ALMS1: variants seen among roughly 807,000 people sequenced by gnomAD.
ALMS1 encodes the protein ALMS1 centrosome and basal body associated protein.
ALMS1 carries 271 observed loss-of-function variants against 352.2 expected under a neutral mutation model. The observed-to-expected ratio is 0.77, with a 90% CI of 0.70 to 0.85. The LOEUF (loss-of-function observed/expected upper bound fraction) is 0.85. Ranked by LOEUF, ALMS1 falls within the 40% of genes least tolerant of loss-of-function variation. The probability of loss-of-function intolerance (pLI) is 0.00; values close to 1 mark genes in which losing one functional copy is unlikely to be tolerated. For missense variants in ALMS1, 5,445 were observed against 4,870.7 expected, an observed-to-expected ratio of 1.12 and a Z score of -3.51; for synonymous variants, 1,865 against 1,761.2, an observed-to-expected ratio of 1.06 and a Z score of -1.48.
chr2:73,481,089 C>G (rs1403243522), intron 9 of ALMS1, among the ~76,000 whole-genome samples: 1 of 151,974 alleles, frequency 6.6e-6, no homozygotes, highest in African/African-American at 2.4e-5. Flanking sequence ...AATTAGATCC[C>G]ATTTGTCAAT....
chr2:73,559,828 A>G (rs1246461764), intron 15 of ALMS1, among the ~76,000 whole-genome samples: 1 of 152,230 alleles, frequency 6.6e-6, no homozygotes, highest in African/African-American at 2.4e-5. Context: ...AGATATCCAC[A>G]TTTAAAAGAA....
At chr2:73,487,711 G>A (rs1385692600) in intron 9 of ALMS1, among the ~76,000 whole-genome samples, 2 of 152,200 alleles carry the variant, frequency 1.3e-5, no homozygotes, top group Non-Finnish European at 2.9e-5. Flanking sequence ...GACAACTGGA[G>A]GGTGAGCAAG....
Position 73,452,715 on chromosome 2 carries a change from C to T in ALMS1, c.6188C>T (p.Pro2063Leu). ...AATATTTTATTTCAACAGCAGTTGC[C>T]AGATAGAGATCAAAGTAAAGGTATT... ...KPNILFQQQL[P>L]DRDQSKGILK... The change falls in exon 8 of 23, where the codon CCA (proline) becomes CTA (leucine). Residue 2063 changes from proline to leucine, a missense_variant. Transcript: ENST00000613296. 1.9e-6 allele frequency: 3 copies of T among 1,613,666 alleles called. No homozygotes were observed. Among genetic ancestry groups the T allele is most frequent in the Non-Finnish European group, 2.5e-6 (3 of 1,179,978 alleles).
At chr2:73,423,911 A>G (rs1671330092) in intron 4 of ALMS1, among the ~76,000 whole-genome samples, 1 of 151,926 alleles carries the variant, frequency 6.6e-6, no homozygotes, top group Non-Finnish European at 1.5e-5. Flanking sequence ...CACAGCAGCT[A>G]GTACTACAGG....
At position 73,491,204 on chromosome 2, in the gene ALMS1, A is replaced by G. The variant is rs1469947899; in HGVS notation, c.9245A>G (p.Glu3082Gly). ...DAASKARMNS[E>G]FNFDLHTVSS... The stretch of plus-strand genomic sequence containing the variant: ...GCTTCTAAAGCGAGGATGAATAGTG[A>G]GTTTAACTTTGACTTACATACTGTA... Residue 3082 changes from glutamate to glycine, a missense_variant, in exon 10 of 23, where the codon GAG (glutamate) becomes GGG (glycine). Glu to Gly is a moderately conservative substitution (Grantham distance 98). Transcript: ENST00000613296. The G allele has an allele frequency of 6.2e-7, 1 of 1,614,182 alleles. No homozygotes were observed. Among genetic ancestry groups the G allele is most frequent in the East Asian group, 2.2e-5 (1 of 44,884 alleles).
intron 10 of ALMS1, among the ~76,000 whole-genome samples, chr2:73,493,141 A>G (rs958326286): frequency 2.6e-5 from 4 of 152,122 alleles, no homozygotes; most frequent in Non-Finnish European, 5.9e-5. Context: ...CAATAATGCC[A>G]TTTGTTCAGG....
chr2:73,439,424 T>C (rs1050184121), intron 7 of ALMS1, among the ~76,000 whole-genome samples: 2 of 152,172 alleles, frequency 1.3e-5, no homozygotes, highest in Non-Finnish European at 2.9e-5. Flanking sequence ...CCGGCCTTTT[T>C]ATCTGTCTTT....
chr2:73,537,609 T>C lies in ALMS1; in HGVS notation c.9907+2660T>C, dbSNP rs745603249. ...GGCCATATATAAAAAGAATATAGAC[T>C]TTACAGAATTAATTCAGAGAAGTTA... is the stretch of plus-strand genomic sequence containing the variant. On this transcript the variant is annotated intron_variant, in intron 12 of 22. Coordinates refer to ENST00000613296, the MANE Select transcript of ALMS1 (RefSeq NM_001378454.1). Among the ~76,000 whole-genome samples, 8 of 152,244 alleles carry C rather than the reference T, an allele frequency of 5.3e-5. No homozygotes were observed. In the East Asian group the frequency reaches 1.5e-3, roughly 29 times the overall value.
At position 73,449,925 on chromosome 2, in the gene ALMS1, A is replaced by C; in HGVS notation, c.3398A>C (p.Lys1133Thr). 1.2e-6 allele frequency: 2 copies of C among 1,613,902 alleles called. No homozygotes were observed. Among genetic ancestry groups the C allele is most frequent in the Non-Finnish European group, 1.7e-6 (2 of 1,179,924 alleles). ...GTAGCTCCTGGACTAGCAGACCAGA[A>C]GACTGGCACACCAACTGTAACCTCA... ...ISVAPGLADQKTGTPTVTSTS... is the reference protein window; with the variant it reads ...ISVAPGLADQTTGTPTVTSTS... The change falls in exon 8 of 23, where the codon AAG becomes ACG. Residue 1133 changes from lysine to threonine, a missense_variant. Transcript: ENST00000613296.
intron 21 of ALMS1, among the ~76,000 whole-genome samples, chr2:73,604,478 G>A (rs1212754228): frequency 2.6e-5 from 4 of 152,174 alleles, no homozygotes; most frequent in African/African-American, 9.7e-5. Context: ...CAGAGAATAA[G>A]GTTGACTTTT....
At position 73,461,157 on chromosome 2, in the gene ALMS1, C is replaced by A. The variant is rs180746995; in HGVS notation, c.7674+5862C>A. ...ACTGCCTCCTCAAGTGGGTCCCTGACCCCCAAGCAGCCTAACTGGGAGGCA... is the reference window on the plus strand; with the variant it reads ...ACTGCCTCCTCAAGTGGGTCCCTGAACCCCAAGCAGCCTAACTGGGAGGCA... On this transcript the variant is annotated intron_variant, in intron 9 of 22. Coordinates refer to ENST00000613296, the MANE Select transcript of ALMS1 (RefSeq NM_001378454.1). Among the ~76,000 whole-genome samples, 1,280 of 152,326 alleles carry A rather than the reference C, an allele frequency of 8.4e-3. 19 individuals are homozygous for A. The highest frequency in any genetic ancestry group is 0.029 in the African/African-American group (1,221 of 41,572).
intron 15 of ALMS1, among the ~76,000 whole-genome samples, chr2:73,561,968 A>G (rs1674672450): frequency 6.6e-6 from 1 of 152,142 alleles, no homozygotes; most frequent in African/African-American, 2.4e-5. Flanking sequence ...TTTAGGGGAT[A>G]GAACAAAATG....
At chr2:73,501,556 A>G (rs1341272718) in intron 10 of ALMS1, among the ~76,000 whole-genome samples, 3 of 152,060 alleles carry the variant, frequency 2.0e-5, no homozygotes, top group Non-Finnish European at 2.9e-5. Flanking sequence ...TTCAAAAATG[A>G]TTATTTCCTT....
intron 9 of ALMS1, among the ~76,000 whole-genome samples, chr2:73,483,035 A>C (rs1377146487): frequency 2.0e-5 from 3 of 152,180 alleles, no homozygotes; most frequent in Non-Finnish European, 4.4e-5. Flanking sequence ...TCCTGGATTC[A>C]TTAATTTTTT....
chr2:73,466,426 T>C (rs1228764805), intron 9 of ALMS1, among the ~76,000 whole-genome samples: 4 of 138,940 alleles, frequency 2.9e-5, no homozygotes, highest in Non-Finnish European at 6.0e-5. Flanking sequence ...TAGGTGGGAA[T>C]TGAACAATGA....
At chr2:73,565,522 A>C (rs999253747) in intron 15 of ALMS1, among the ~76,000 whole-genome samples, 17 of 152,172 alleles carry the variant, frequency 1.1e-4, no homozygotes, top group African/African-American at 3.9e-4. Context: ...ACCATCAGGG[A>C]GGTGGAACAT....
At position 73,490,405 on chromosome 2, in the gene ALMS1, G is replaced by T. The variant is rs1195067720; in HGVS notation, c.8446G>T (p.Asp2816Tyr). The change falls in exon 10 of 23, where the codon GAT becomes TAT. Residue 2816 changes from aspartate (D) to tyrosine (Y), a missense_variant. Physicochemically the swap from Asp to Tyr is radical, Grantham distance 160 (BLOSUM62 -3). Coordinates refer to ENST00000613296, the MANE Select transcript of ALMS1 (RefSeq NM_001378454.1). ...FQEEKPLERS[D>Y]FTGSHSEPST... ...AGAAGAAAAACCCTTAGAAAGATCA[G>T]ATTTTACAGGCAGTCATTCTGAGCC... is the stretch of plus-strand genomic sequence containing the variant. The T allele has an allele frequency of 8.7e-6, 14 of 1,614,000 alleles. No homozygotes were observed. Among genetic ancestry groups the T allele is most frequent in the Admixed American group, 1.7e-5 (1 of 60,008 alleles).
At chr2:73,503,110 T>A (rs1022455952) in intron 10 of ALMS1, among the ~76,000 whole-genome samples, 4 of 152,156 alleles carry the variant, frequency 2.6e-5, no homozygotes, top group African/African-American at 7.2e-5. Flanking sequence ...TTTATTTTTT[T>A]ATAACACTTT....
intron 15 of ALMS1, among the ~76,000 whole-genome samples, chr2:73,561,302 C>T (rs1013480611): frequency 1.3e-5 from 2 of 151,254 alleles, no homozygotes; most frequent in African/African-American, 4.9e-5. Flanking sequence ...TAAACTCATT[C>T]CATAAAACAA....
Sources: gnomAD v4.1 joint callset for allele counts (sites outside exome capture counted in the v4.1 genomes callset) on GRCh38, gnomAD v4.1.1 for gene constraint, MANE v1.5 for transcripts, NCBI Gene and HGNC (gene_info 2026-07-23, HGNC 2026-07-21) for gene names.